Variants in CARMIL1 observed in about 807,000 individuals in gnomAD.
CARMIL1 encodes the protein capping protein regulator and myosin 1 linker 1.
A neutral mutation model predicts 177.1 loss-of-function variants in CARMIL1; 90 were observed. The observed-to-expected ratio is 0.51, with a 90% CI of 0.43 to 0.61. The LOEUF (loss-of-function observed/expected upper bound fraction) is 0.61. Ranked by LOEUF, CARMIL1 falls within the 20% of genes least tolerant of loss-of-function variation. CARMIL1 has a pLI of 0.00. For synonymous variants in CARMIL1, 577 were observed against 606.2 expected (o/e 0.95, Z 0.71); for missense variants, 1,380 against 1,667.0 (o/e 0.83, Z 3.00).
intron 5 of CARMIL1, among the ~76,000 whole-genome samples, chr6:25,440,048 C>A (rs1026068381): frequency 2.0e-5 from 3 of 152,148 alleles, no homozygotes; most frequent in African/African-American, 7.2e-5. Flanking sequence ...AATCTTAAAT[C>A]CCTAGTTCTT....
At chr6:25,284,993 A>G (rs1191161822) in intron 2 of CARMIL1, 84 bp downstream of exon 2, 2 of 819,398 alleles carry the variant, frequency 2.4e-6, no homozygotes, top group Non-Finnish European at 4.0e-6. Context: ...TTCATGCAGC[A>G]TTACTTCTGT....
At chr6:25,358,472 T>A (rs186936741) in intron 2 of CARMIL1, among the ~76,000 whole-genome samples, 2 of 152,314 alleles carry the variant, frequency 1.3e-5, no homozygotes, top group Non-Finnish European at 2.9e-5. Flanking sequence ...AGTTTTCTAT[T>A]GTTTTGGGGG....
chr6:25,418,252 C>A (rs1795531468), intron 2 of CARMIL1, among the ~76,000 whole-genome samples: 1 of 152,174 alleles, frequency 6.6e-6, no homozygotes, highest in South Asian at 2.1e-4. Flanking sequence ...GAGCTGGACA[C>A]CCTACAAGCA....
chr6:25,406,180 G>C (rs1040997209), intron 2 of CARMIL1, among the ~76,000 whole-genome samples: 4 of 152,166 alleles, frequency 2.6e-5, no homozygotes, highest in African/African-American at 9.7e-5. Flanking sequence ...AAATACGGTG[G>C]GAGTATATAA....
intron 2 of CARMIL1, among the ~76,000 whole-genome samples, chr6:25,332,783 A>ACACACACG (rs1785808524): frequency 7.6e-6 from 1 of 131,714 alleles, no homozygotes; most frequent in Non-Finnish European, 1.7e-5. Flanking sequence ...GCGCACACAC[A>ACACACACG]CACACACACT....
chr6:25,303,124 CCTT>C (rs1460960124), intron 2 of CARMIL1, among the ~76,000 whole-genome samples: 10 of 142,784 alleles, frequency 7.0e-5, no homozygotes, highest in East Asian at 4.6e-4. Context: ...ATAGGCATCT[CCTT>C]TTTTTTTTTT....
At position 25,389,567 on chromosome 6, in the gene CARMIL1, T is replaced by C. The variant is rs560836419; in HGVS notation, c.139-30547T>C. Among the ~76,000 whole-genome samples the C allele has an allele frequency of 5.9e-5, 9 of 152,328 alleles. No individual in the cohort carries two copies. The South Asian group carries it at 1.7e-3, about 28-fold the overall frequency. ...TCTCCAAAGTGTAAAATGGAATAAT[T>C]GCTGGAATTGGATGTCAGTTTGTTT... is the stretch of plus-strand genomic sequence containing the variant. On this transcript the variant is annotated intron_variant, in intron 2 of 36. Transcript: ENST00000329474.
chr6:25,365,512 A>T (rs184485421), intron 2 of CARMIL1, among the ~76,000 whole-genome samples: 168 of 152,320 alleles, frequency 1.1e-3, no homozygotes, highest in African/African-American at 3.9e-3. Context: ...TAAGAAAAAA[A>T]CTTCCAGTAT....
At position 25,517,432 on chromosome 6, in the gene CARMIL1, AT is replaced by A; in HGVS notation, c.1874+20del. ...TATGGAAAAGTAAGTTTGAATTAGGATTTCTTTCTAGGAAAATAAAAAAACA... is the reference window on the plus strand; with the variant it reads ...TATGGAAAAGTAAGTTTGAATTAGGATTCTTTCTAGGAAAATAAAAAAACA... On this transcript the variant is annotated intron_variant, in intron 22 of 36. Coordinates refer to ENST00000329474, the MANE Select transcript of CARMIL1 (RefSeq NM_017640.6). 6.2e-7 allele frequency: 1 copy of A among 1,604,888 alleles called. No individual in the cohort carries two copies.
rs550652815 is a variant in CARMIL1, at chr6:25,558,166, C to T, written c.2742+1316C>T. ...TATAGGATAATTGTTCTGGAAAGCT[C>T]TTAGACTAGCCCTAAAAGAAAACAA... On this transcript the variant is annotated intron_variant, in intron 29 of 36. Transcript: ENST00000329474. The surrounding 1 kb of genome is among the most constrained non-coding windows in gnomAD (Gnocchi z 4.1). Among the ~76,000 whole-genome samples the T allele has an allele frequency of 6.6e-6, 1 of 152,162 alleles. No homozygotes were observed. Among genetic ancestry groups the T allele is most frequent in the African/African-American group, 2.4e-5 (1 of 41,516 alleles).
chr6:25,551,089 G>C lies in CARMIL1; in HGVS notation c.2504+4G>C, dbSNP rs752251478. 5.6e-5 allele frequency: 90 copies of C among 1,609,050 alleles called. 1 individual carries two copies. In the South Asian group the frequency reaches 8.5e-4, roughly 15 times the overall value. The stretch of plus-strand genomic sequence containing the variant: ...TTGATATCCTTAACAAAATTAGGTA[G>C]GTTTATAATGTTAATAAACCTAGGA... On this transcript the variant is annotated splice_donor_region_variant and intron_variant, in intron 27 of 36. Coordinates refer to ENST00000329474, the MANE Select transcript of CARMIL1 (RefSeq NM_017640.6).
intron 2 of CARMIL1, among the ~76,000 whole-genome samples, chr6:25,383,883 G>T (rs1310147307): frequency 6.6e-6 from 1 of 152,020 alleles, no homozygotes; most frequent in Non-Finnish European, 1.5e-5. Flanking sequence ...CTGTCGCCCA[G>T]GCTAGAGTGC....
intron 2 of CARMIL1, among the ~76,000 whole-genome samples, chr6:25,408,027 G>A (rs1031207844): frequency 6.6e-6 from 1 of 152,116 alleles, no homozygotes; most frequent in Non-Finnish European, 1.5e-5. Context: ...AGGTGTGGTG[G>A]TGCATGACTA....
chr6:25,412,314 G>A (rs947309168), intron 2 of CARMIL1, among the ~76,000 whole-genome samples: 8 of 152,190 alleles, frequency 5.3e-5, no homozygotes, highest in African/African-American at 1.9e-4. Flanking sequence ...TGGCTTGATG[G>A]CCCATGCCAA....
chr6:25,450,492 T>C, intron 7 of CARMIL1, 83 bp downstream of exon 7: 1 of 1,276,636 alleles, frequency 7.8e-7, no homozygotes, highest in South Asian at 1.3e-5. Context: ...TTTTCTTTTT[T>C]TCCCTTCATT....
chr6:25,538,586 A>T (rs1022595292), intron 25 of CARMIL1, among the ~76,000 whole-genome samples: 1 of 152,172 alleles, frequency 6.6e-6, no homozygotes, highest in Admixed American at 6.5e-5. Context: ...GGGATGATAG[A>T]AGCATCTTTT....
chr6:25,467,898 A>G (rs1402378199), intron 9 of CARMIL1, among the ~76,000 whole-genome samples: 4 of 152,224 alleles, frequency 2.6e-5, no homozygotes, highest in Admixed American at 6.5e-5. Context: ...CCCAAAGTTA[A>G]AAAGAAATGA....
At chr6:25,404,026 A>C (rs1292420853) in intron 2 of CARMIL1, among the ~76,000 whole-genome samples, 1 of 152,240 alleles carries the variant, frequency 6.6e-6, no homozygotes, top group Non-Finnish European at 1.5e-5. Flanking sequence ...AAAGAGTGCT[A>C]ATCTAATTGA....
chr6:25,549,692 G>C (rs924588836), intron 26 of CARMIL1, among the ~76,000 whole-genome samples: 1 of 152,160 alleles, frequency 6.6e-6, no homozygotes, highest in Non-Finnish European at 1.5e-5. Context: ...ATTGTGCTTT[G>C]CATTTTAATA....
Sources: gnomAD v4.1 joint callset for allele counts (sites outside exome capture counted in the v4.1 genomes callset) on GRCh38, gnomAD v4.1.1 for gene constraint, Gnocchi (gnomAD v3.1) non-coding constraint, MANE v1.5 for transcripts, NCBI Gene and HGNC (gene_info 2026-07-23, HGNC 2026-07-21) for gene names.